Variants in DLG2 observed in about 807,000 individuals in gnomAD.
DLG2 encodes the protein disks large homolog 2.
DLG2 carries 45 observed loss-of-function variants against 132.5 expected under a neutral mutation model. The ratio of observed to expected loss-of-function variants is 0.34; its 90% CI spans 0.27 to 0.44. The LOEUF (loss-of-function observed/expected upper bound fraction) is 0.44. DLG2 is among the 20% of genes least tolerant of loss of function. The pLI is 1.00. For missense variants in DLG2, 1,045 were observed against 1,196.9 expected (o/e 0.87, Z 1.87); for synonymous variants, 424 against 419.6 (o/e 1.01, Z -0.13).
intron 6 of DLG2, among the ~76,000 whole-genome samples, chr11:84,815,315 A>T (rs2076978855): frequency 6.6e-6 from 1 of 152,066 alleles, no homozygotes; most frequent in Admixed American, 6.6e-5. Context: ...TTGTGAGGAG[A>T]GTTTTTGACT....
At chr11:83,945,229 C>T (rs886799675) in intron 14 of DLG2, among the ~76,000 whole-genome samples, 3 of 151,968 alleles carry the variant, frequency 2.0e-5, no homozygotes, top group African/African-American at 7.3e-5. Context: ...TGACCCAAGA[C>T]TTCATCATTG....
At chr11:85,022,353 C>T (rs1300251770) in intron 6 of DLG2, among the ~76,000 whole-genome samples, 1 of 152,032 alleles carries the variant, frequency 6.6e-6, no homozygotes, top group African/African-American at 2.4e-5. Context: ...CGATAAACTT[C>T]TCACAGATCT....
chr11:84,132,353 T>C (rs1295236562), intron 9 of DLG2, among the ~76,000 whole-genome samples: 3 of 151,998 alleles, frequency 2.0e-5, no homozygotes, highest in African/African-American at 7.2e-5. Context: ...AATTCCACCA[T>C]GCGTTGGGGT....
intron 6 of DLG2, chr11:84,887,291 C>G (rs1206203638): frequency 1.3e-5 from 2 of 152,034 alleles, no homozygotes. Flanking sequence ...GAAAGCAAAA[C>G]AGCTTCCCTG....
At chr11:83,999,390 C>T (rs115011893) in intron 11 of DLG2, among the ~76,000 whole-genome samples, 1,760 of 152,282 alleles carry the variant, frequency 0.012, 24 homozygotes, top group African/African-American at 0.041. Context: ...ATCACAGCCA[C>T]TGCCAATGCC....
At chr11:84,991,508 C>CAAAAA (rs760113916) in intron 6 of DLG2, among the ~76,000 whole-genome samples, 2 of 108,710 alleles carry the variant, frequency 1.8e-5, no homozygotes, top group Non-Finnish European at 3.9e-5. Flanking sequence ...GACACCTTCT[C>CAAAAA]AAAAAAAAAA....
At chr11:83,679,144 A>G (rs1003572228) in intron 18 of DLG2, among the ~76,000 whole-genome samples, 3 of 152,192 alleles carry the variant, frequency 2.0e-5, no homozygotes, top group Non-Finnish European at 4.4e-5. Flanking sequence ...GCACTGCTAT[A>G]TGCCAATTTA....
intron 19 of DLG2, among the ~76,000 whole-genome samples, chr11:83,557,722 C>A (rs575881905): frequency 6.6e-6 from 1 of 152,276 alleles, no homozygotes; most frequent in South Asian, 2.1e-4. Context: ...CCTATCAAAT[C>A]TGCCAAAAAG....
At chr11:85,396,352 A>G (rs912420978) in intron 3 of DLG2, among the ~76,000 whole-genome samples, 3 of 152,146 alleles carry the variant, frequency 2.0e-5, no homozygotes, top group African/African-American at 7.2e-5. Context: ...AATTCCAAAA[A>G]AGAGAGCACC....
intron 6 of DLG2, among the ~76,000 whole-genome samples, chr11:85,003,582 T>C (rs995927815): frequency 2.0e-5 from 3 of 152,154 alleles, no homozygotes; most frequent in Non-Finnish European, 4.4e-5. Context: ...GTAGGAGTTC[T>C]AGGAGAATTA....
intron 21 of DLG2, among the ~76,000 whole-genome samples, chr11:83,520,338 A>AAAT (rs1174898599): frequency 6.6e-6 from 1 of 152,226 alleles, no homozygotes; most frequent in African/African-American, 2.4e-5. Context: ...CACTACTAAC[A>AAAT]AATAAAAGAT....
At chr11:84,727,110 G>C (rs778687050) in intron 6 of DLG2, among the ~76,000 whole-genome samples, 4 of 152,086 alleles carry the variant, frequency 2.6e-5, no homozygotes, top group Non-Finnish European at 4.4e-5. Context: ...ATTAGATCCT[G>C]TTTGTCAATT....
intron 6 of DLG2, among the ~76,000 whole-genome samples, chr11:84,596,938 T>A (rs966062548): frequency 6.6e-6 from 1 of 152,122 alleles, no homozygotes; most frequent in African/African-American, 2.4e-5. Flanking sequence ...GAATCTACTG[T>A]GGCCAGACTC....
At chr11:84,631,211 C>T (rs1976951397) in intron 6 of DLG2, among the ~76,000 whole-genome samples, 1 of 151,880 alleles carries the variant, frequency 6.6e-6, no homozygotes, top group African/African-American at 2.4e-5. Flanking sequence ...GGAGCAGAGA[C>T]TCTATCTTTT....
At chr11:84,130,523 CAT>C (rs67317051) in intron 9 of DLG2, among the ~76,000 whole-genome samples, 5,500 of 136,098 alleles carry the variant, frequency 0.04, 116 homozygotes, top group African/African-American at 0.061. Context: ...CACACACACA[CAT>C]ATATGTGTGT....
chr11:84,464,727 C>G (rs963503289), intron 7 of DLG2, among the ~76,000 whole-genome samples: 2 of 150,884 alleles, frequency 1.3e-5, no homozygotes, highest in African/African-American at 4.9e-5. Context: ...TTATAGTGGA[C>G]TTGAATAAGC....
chr11:84,341,176 TG>T (rs1455716283), intron 7 of DLG2, among the ~76,000 whole-genome samples: 1 of 152,096 alleles, frequency 6.6e-6, no homozygotes, highest in Non-Finnish European at 1.5e-5. Flanking sequence ...TCCTCATTAT[TG>T]GGGGTTCTCA....
rs1206865726 is a variant in DLG2 at position 84,497,262 on chromosome 11, T to A, written c.519+37308A>T. Among the ~76,000 whole-genome samples the A allele has an allele frequency of 2.6e-5, 4 of 152,276 alleles. No individual in the cohort carries two copies. The East Asian group carries it at 7.7e-4, about 29-fold the overall frequency. ...AGAGGAATTTAGATATTCAATTTTA[T>A]TATATGAAATCTGAGGTTGTTAAGA... On this transcript the variant is annotated intron_variant, in intron 7 of 27. Transcript: ENST00000376104.
At chr11:85,023,586 T>C (rs772072775) in intron 6 of DLG2, among the ~76,000 whole-genome samples, 6 of 151,980 alleles carry the variant, frequency 3.9e-5, no homozygotes, top group Non-Finnish European at 7.4e-5. Context: ...ACAAACAAAA[T>C]AGTTTTCTAC....
Sources: gnomAD v4.1 joint callset for allele counts (sites outside exome capture counted in the v4.1 genomes callset) on GRCh38, gnomAD v4.1.1 for gene constraint, MANE v1.5 for transcripts, NCBI Gene and HGNC (gene_info 2026-07-23, HGNC 2026-07-21) for gene names.